Variants in R3HDM2 observed in about 807,000 individuals in gnomAD.
R3HDM2 encodes R3H domain containing 2.
R3HDM2 carries 38 observed loss-of-function variants against 124.5 expected under a neutral mutation model. That is an observed-to-expected ratio of 0.31 (90% CI 0.24 to 0.40). The LOEUF (loss-of-function observed/expected upper bound fraction) is 0.40, where lower values mean the gene tolerates loss of function less well. R3HDM2 is among the 10% of genes least tolerant of loss of function. The pLI is 1.00. For missense variants in R3HDM2, 869 were observed against 1,236.9 expected, an observed-to-expected ratio of 0.70 and a Z score of 4.46; for synonymous variants, 391 against 448.0, an observed-to-expected ratio of 0.87 and a Z score of 1.61.
At position 57,268,287 on chromosome 12, in the gene R3HDM2, CT is replaced by C; in HGVS notation, c.2030+15del. ...CTATGGGAGATGTCCTGTCCTGGCT[CT>C]CTGGGAGTCCTCACCTCGTACCGTT... On this transcript the variant is annotated intron_variant, in intron 18 of 23. Transcript: ENST00000402412. 2 of 1,611,512 alleles carry C rather than the reference CT, an allele frequency of 1.2e-6. No homozygotes were observed. The highest frequency in any genetic ancestry group is 1.7e-6 in the Non-Finnish European group (2 of 1,178,426).
intron 2 of R3HDM2, among the ~76,000 whole-genome samples, chr12:57,340,196 T>C (rs755354097): frequency 3.3e-5 from 5 of 152,156 alleles, no homozygotes; most frequent in African/African-American, 7.2e-5. Context: ...AACAAAACCG[T>C]CATCTTTTAA....
intron 11 of R3HDM2, among the ~76,000 whole-genome samples, chr12:57,290,206 C>T (rs1249864445): frequency 1.3e-5 from 2 of 152,200 alleles, no homozygotes; most frequent in Non-Finnish European, 2.9e-5. Context: ...GCTTTCAGAA[C>T]ATCTGTAGCT....
chr12:57,274,627 AT>A (rs1317620406), intron 14 of R3HDM2, among the ~76,000 whole-genome samples: 1 of 152,160 alleles, frequency 6.6e-6, no homozygotes, highest in East Asian at 1.9e-4. Context: ...TAGCAGTGCT[AT>A]TTTTTTAGTT....
intron 2 of R3HDM2, among the ~76,000 whole-genome samples, chr12:57,314,055 G>A (rs910414697): frequency 1.3e-5 from 2 of 151,554 alleles, no homozygotes; most frequent in African/African-American, 2.4e-5. Context: ...AGGTGTGGTG[G>A]TGCATGCCTA....
chr12:57,355,926 G>C (rs2061241559), intron 2 of R3HDM2, among the ~76,000 whole-genome samples: 1 of 152,048 alleles, frequency 6.6e-6, no homozygotes, highest in South Asian at 2.1e-4. Flanking sequence ...TTTATATATT[G>C]ACTTTGTAAC....
intron 19 of R3HDM2, among the ~76,000 whole-genome samples, chr12:57,264,215 C>T (rs1318668158): frequency 1.4e-5 from 2 of 146,202 alleles, no homozygotes; most frequent in East Asian, 4.1e-4. Context: ...GCACTCCAGC[C>T]TGGGCGACAG....
chr12:57,419,490 G>A (rs1218388885), intron 1 of R3HDM2, among the ~76,000 whole-genome samples: 1 of 151,450 alleles, frequency 6.6e-6, no homozygotes, highest in African/African-American at 2.4e-5. Context: ...TGACCAGCCT[G>A]GGGTACAGTG....
chr12:57,397,293 T>G (rs1341296183), intron 1 of R3HDM2, among the ~76,000 whole-genome samples: 4 of 152,158 alleles, frequency 2.6e-5, no homozygotes, highest in Admixed American at 6.5e-5. Flanking sequence ...GGCTGGCTGT[T>G]TAATCTATTT....
At chr12:57,392,804 CTTTTTTT>C (rs1183514418) in intron 2 of R3HDM2, among the ~76,000 whole-genome samples, 13 of 127,504 alleles carry the variant, frequency 1.0e-4, no homozygotes, top group Middle Eastern at 4.1e-3. Flanking sequence ...CTATAGTACA[CTTTTTTT>C]TTTTTTTTTT....
chr12:57,315,157 C>T (rs960683137), intron 2 of R3HDM2, among the ~76,000 whole-genome samples: 1 of 152,084 alleles, frequency 6.6e-6, no homozygotes, highest in Non-Finnish European at 1.5e-5. Context: ...TCTGCCTCAC[C>T]CTCCCAAGTA....
chr12:57,367,066 C>T (rs1201173328), intron 2 of R3HDM2, among the ~76,000 whole-genome samples: 5 of 152,168 alleles, frequency 3.3e-5, no homozygotes, highest in Admixed American at 3.3e-4. Context: ...TTAGGCTAGT[C>T]TTTGACAGCC....
chr12:57,381,367 C>T (rs1419544405), intron 2 of R3HDM2, among the ~76,000 whole-genome samples: 2 of 151,996 alleles, frequency 1.3e-5, no homozygotes, highest in African/African-American at 2.4e-5. Context: ...GCCTGGCCAA[C>T]ATGGCGAAAC....
At chr12:57,424,106 C>A (rs1398813122) in intron 1 of R3HDM2, among the ~76,000 whole-genome samples, 3 of 78,862 alleles carry the variant, frequency 3.8e-5, no homozygotes, top group East Asian at 4.2e-4. Context: ...AAGAGCAAAA[C>A]TCTGTCTCAA....
At chr12:57,279,579 G>A (rs2045674131) in intron 14 of R3HDM2, among the ~76,000 whole-genome samples, 1 of 151,224 alleles carries the variant, frequency 6.6e-6, no homozygotes, top group South Asian at 2.1e-4. Flanking sequence ...AAGGAGGGAG[G>A]ATCACTTGAG....
intron 1 of R3HDM2, among the ~76,000 whole-genome samples, chr12:57,400,775 A>G (rs1299377572): frequency 6.6e-6 from 1 of 152,140 alleles, no homozygotes; most frequent in Admixed American, 6.6e-5. Flanking sequence ...AGGGCTGGAA[A>G]CAGAGCCCAT....
intron 4 of R3HDM2, among the ~76,000 whole-genome samples, chr12:57,301,977 CT>C (rs1174615877): frequency 1.3e-5 from 2 of 152,318 alleles, no homozygotes; most frequent in Admixed American, 6.5e-5. Flanking sequence ...TTCCTGCCCC[CT>C]AAAAAGTAAA....
In R3HDM2 at chr12:57,254,890, G is replaced by C; in HGVS notation, c.2856C>G (p.Ser952Arg). 6.2e-7 allele frequency: 1 copy of C among 1,614,160 alleles called. No individual in the cohort carries two copies. The highest frequency in any genetic ancestry group is 8.5e-7 in the Non-Finnish European group (1 of 1,180,012). ...GGGAGGCATTTTGGGCAGCCAGGGG[G>C]CTGGGGAACACAGCCACAATGGTGT... is the stretch of plus-strand genomic sequence containing the variant. Reference protein sequence around the residue: ...ALYTIVAVFPSPLAAQNASLR... With the variant: ...ALYTIVAVFPRPLAAQNASLR... Residue 952 changes from serine to arginine, a missense_variant, in exon 24 of 24, where the codon AGC becomes AGG. Ser to Arg is a moderately radical substitution (Grantham distance 110, BLOSUM62 -1). This residue lies in a region of R3HDM2 where 602 missense variants were observed against 789.2 expected (regional missense o/e 0.76). Coordinates refer to ENST00000402412, the MANE Select transcript of R3HDM2 (RefSeq NM_001394031.1).
At chr12:57,358,643 C>CA (rs1197103798) in intron 2 of R3HDM2, among the ~76,000 whole-genome samples, 3,487 of 89,136 alleles carry the variant, frequency 0.039, 58 homozygotes, top group Middle Eastern at 0.1. Flanking sequence ...GACTCCATCT[C>CA]AAAAAAAAAA....
At chr12:57,341,392 A>C in intron 2 of R3HDM2, 1 of 983,462 alleles carries the variant, frequency 1.0e-6, no homozygotes, top group Non-Finnish European at 1.2e-6. Flanking sequence ...GCACCGCTTC[A>C]GATGGATTTT....
Sources: allele counts gnomAD v4.1 joint callset (sites outside exome capture counted in the v4.1 genomes callset), GRCh38; gene constraint gnomAD v4.1.1; regional missense constraint gnomAD v4.1.1; transcripts MANE v1.5; gene names NCBI Gene and HGNC (gene_info 2026-07-23, HGNC 2026-07-21).